The following ATP8B4 variants were observed in gnomAD, a reference collection of about 807,000 sequenced individuals.
ATP8B4 encodes the protein ATPase phospholipid transporting 8B4 (putative).
In ATP8B4, 133 loss-of-function variants were observed where a neutral mutation model predicts 145.6. That is an observed-to-expected ratio of 0.91 (90% CI 0.79 to 1.05). The LOEUF is 1.05. ATP8B4 is among the 50% of genes least tolerant of loss of function. The pLI is 0.00. For missense variants in ATP8B4, 1,458 were observed against 1,425.2 expected (o/e 1.02, Z -0.37); for synonymous variants, 507 against 492.9 (o/e 1.03, Z -0.38).
chr15:50,105,710 T>C (rs1423551630), intron 2 of ATP8B4, among the ~76,000 whole-genome samples: 1 of 152,194 alleles, frequency 6.6e-6, no homozygotes, highest in African/African-American at 2.4e-5. Context: ...TTATGCTTTC[T>C]TATTTTTATT....
chr15:50,079,474 A>G (rs778537881), intron 2 of ATP8B4, among the ~76,000 whole-genome samples: 10 of 152,196 alleles, frequency 6.6e-5, no homozygotes, highest in African/African-American at 1.4e-4. Flanking sequence ...AATAAAGTCA[A>G]TTTATCAGTA....
chr15:50,023,000 C>G (rs548619808), intron 6 of ATP8B4, among the ~76,000 whole-genome samples: 1 of 152,106 alleles, frequency 6.6e-6, no homozygotes, highest in Non-Finnish European at 1.5e-5. Flanking sequence ...CCATTTTTCT[C>G]TATTAGGAAG....
At chr15:50,133,543 T>G (rs771970790) in intron 1 of ATP8B4, among the ~76,000 whole-genome samples, 1 of 151,952 alleles carries the variant, frequency 6.6e-6, no homozygotes, top group Non-Finnish European at 1.5e-5. Flanking sequence ...CAGTGAGCCA[T>G]GATCACGCCA....
At chr15:49,968,104 T>A (rs1386154092) in intron 13 of ATP8B4, among the ~76,000 whole-genome samples, 1 of 152,130 alleles carries the variant, frequency 6.6e-6, no homozygotes, top group African/African-American at 2.4e-5. Flanking sequence ...CAGGCCTGCC[T>A]TACAAGAGCT....
At chr15:50,007,404 G>A (rs2048387386) in intron 7 of ATP8B4, among the ~76,000 whole-genome samples, 1 of 152,184 alleles carries the variant, frequency 6.6e-6, no homozygotes, top group African/African-American at 2.4e-5. Context: ...TAGAAGTGGA[G>A]GCACTTGAGC....
intron 13 of ATP8B4, among the ~76,000 whole-genome samples, chr15:49,970,744 C>T (rs1431711529): frequency 1.3e-5 from 2 of 152,068 alleles, no homozygotes; most frequent in African/African-American, 4.8e-5. Flanking sequence ...CTACCATTGA[C>T]TTTCTTCACA....
At chr15:49,919,598 T>C (rs2040069050) in intron 18 of ATP8B4, among the ~76,000 whole-genome samples, 1 of 152,056 alleles carries the variant, frequency 6.6e-6, no homozygotes, top group African/African-American at 2.4e-5. Flanking sequence ...TTTGTAATTT[T>C]AGTAGAGACG....
chr15:49,988,333 C>A (rs1356192626), intron 9 of ATP8B4, among the ~76,000 whole-genome samples: 1 of 152,094 alleles, frequency 6.6e-6, no homozygotes, highest in Non-Finnish European at 1.5e-5. Context: ...TTCACGGACC[C>A]TGCCACAAAA....
intron 1 of ATP8B4, 88 bp from the exon 2 acceptor site, chr15:50,107,096 T>A: frequency 1.3e-6 from 1 of 787,282 alleles, no homozygotes; most frequent in Non-Finnish European, 1.9e-6. Context: ...TAGACAAATC[T>A]AGGTAATTAG....
chr15:49,866,146 C>G (rs2032751417), intron 26 of ATP8B4, among the ~76,000 whole-genome samples, 200 bp downstream of exon 26: 1 of 152,218 alleles, frequency 6.6e-6, no homozygotes, highest in African/African-American at 2.4e-5. Context: ...GTGAGTGATT[C>G]TTCTGCATCC....
chr15:49,913,537 A>C (rs1296808940), intron 20 of ATP8B4, among the ~76,000 whole-genome samples: 1 of 152,160 alleles, frequency 6.6e-6, no homozygotes, highest in Non-Finnish European at 1.5e-5. Flanking sequence ...CAGGCAAGAG[A>C]AAAAAATAGA....
chr15:49,921,265 C>G (rs1387182708), intron 17 of ATP8B4, among the ~76,000 whole-genome samples: 1 of 152,030 alleles, frequency 6.6e-6, no homozygotes, highest in African/African-American at 2.4e-5. Flanking sequence ...TTTAAAGATA[C>G]CATTATCAAG....
chr15:50,165,666 G>T (rs2044586100), intron 1 of ATP8B4, among the ~76,000 whole-genome samples: 1 of 152,120 alleles, frequency 6.6e-6, no homozygotes, highest in Non-Finnish European at 1.5e-5. Context: ...TGGAAGTAAA[G>T]AAGCACAATA....
intron 2 of ATP8B4, among the ~76,000 whole-genome samples, chr15:50,077,690 T>TA (rs1258502843): frequency 1.3e-5 from 2 of 152,086 alleles, no homozygotes; most frequent in Non-Finnish European, 2.9e-5. Flanking sequence ...TTAGAGTAAT[T>TA]AAAAAAATAA....
intron 3 of ATP8B4, among the ~76,000 whole-genome samples, chr15:50,053,113 A>G (rs1218296374): frequency 1.3e-5 from 2 of 152,196 alleles, no homozygotes; most frequent in African/African-American, 4.8e-5. Context: ...GGTAATAATT[A>G]CTGACATTTA....
At chr15:49,999,785 A>T (rs2153558995) in intron 8 of ATP8B4, among the ~76,000 whole-genome samples, 1 of 152,294 alleles carries the variant, frequency 6.6e-6, no homozygotes, top group African/African-American at 2.4e-5. Flanking sequence ...GTTAAGATAC[A>T]GAACACTTCT....
intron 23 of ATP8B4, among the ~76,000 whole-genome samples, chr15:49,882,468 C>CCAAA (rs1337371134): frequency 6.6e-6 from 1 of 152,088 alleles, no homozygotes; most frequent in African/African-American, 2.4e-5. Flanking sequence ...ATAATAGTCC[C>CCAAA]CAAACAAAAA....
At chr15:50,037,998 CA>C (rs772583462) in intron 6 of ATP8B4, among the ~76,000 whole-genome samples, 1 of 152,148 alleles carries the variant, frequency 6.6e-6, no homozygotes, top group Non-Finnish European at 1.5e-5. Flanking sequence ...TTAAAAATTA[CA>C]TTCTTCACGG....
chr15:50,056,985 C>T (rs1386819513), intron 3 of ATP8B4, among the ~76,000 whole-genome samples: 1 of 152,196 alleles, frequency 6.6e-6, no homozygotes, highest in Non-Finnish European at 1.5e-5. Context: ...CTCGGCCTCT[C>T]ACAGAACTGG....
Sources: allele counts gnomAD v4.1 joint callset (sites outside exome capture counted in the v4.1 genomes callset), GRCh38; gene constraint gnomAD v4.1.1; transcripts MANE v1.5; gene names NCBI Gene and HGNC (gene_info 2026-07-23, HGNC 2026-07-21).